Variants in ZMAT4 observed in about 807,000 individuals in gnomAD.
The protein encoded by ZMAT4 is zinc finger matrin-type protein 4.
A neutral mutation model predicts 28.7 loss-of-function variants in ZMAT4; 17 were observed. That is an observed-to-expected ratio of 0.59 (90% CI 0.41 to 0.89). The LOEUF is 0.89. Among genes scored for constraint, ZMAT4 ranks in the 40% least tolerant of loss-of-function variants. ZMAT4 has a pLI of 0.00. For missense variants in ZMAT4, 240 were observed against 283.8 expected (o/e 0.85, Z 1.11); for synonymous variants, 117 against 109.2 (o/e 1.07, Z -0.44).
At chr8:40,582,020 T>C (rs1268388645) in intron 5 of ZMAT4, among the ~76,000 whole-genome samples, 1 of 152,196 alleles carries the variant, frequency 6.6e-6, no homozygotes, top group Admixed American at 6.5e-5. Context: ...TAATGAAACA[T>C]ATTCCTTCAG....
At chr8:40,648,814 C>T (rs1242881679) in intron 5 of ZMAT4, among the ~76,000 whole-genome samples, 1 of 118,208 alleles carries the variant, frequency 8.5e-6, no homozygotes, top group African/African-American at 2.9e-5. Context: ...ATTTCATATC[C>T]AGCCAAACTA....
chr8:40,691,600 G>A (rs2150488906), intron 4 of ZMAT4, among the ~76,000 whole-genome samples: 1 of 152,256 alleles, frequency 6.6e-6, no homozygotes, highest in Non-Finnish European at 1.5e-5. Context: ...AATCACAGTG[G>A]ATTCATAAAT....
intron 6 of ZMAT4, among the ~76,000 whole-genome samples, chr8:40,543,436 G>A (rs1321771916): frequency 2.0e-5 from 3 of 152,192 alleles, no homozygotes; most frequent in Non-Finnish European, 2.9e-5. Context: ...GTTCAGCCAC[G>A]TCTGGGAATT....
chr8:40,712,199 T>C (rs1002820664), intron 3 of ZMAT4, among the ~76,000 whole-genome samples: 3 of 152,320 alleles, frequency 2.0e-5, no homozygotes, highest in Non-Finnish European at 4.4e-5. Context: ...TAATAGGATT[T>C]CTCTCATAAG....
intron 6 of ZMAT4, among the ~76,000 whole-genome samples, chr8:40,549,519 T>C (rs1234653732): frequency 6.6e-6 from 1 of 152,180 alleles, no homozygotes; most frequent in East Asian, 1.9e-4. Flanking sequence ...ATGCAATCTT[T>C]TGATGAGAGA....
chr8:40,588,638 T>A (rs1391126624), intron 5 of ZMAT4, among the ~76,000 whole-genome samples: 1 of 152,008 alleles, frequency 6.6e-6, no homozygotes, highest in Non-Finnish European at 1.5e-5. Flanking sequence ...TAAATGACCA[T>A]ATGGAACAAC....
At chr8:40,647,612 C>A (rs13248057) in intron 5 of ZMAT4, among the ~76,000 whole-genome samples, 72,816 of 152,060 alleles carry the variant, frequency 0.48, 18,917 homozygotes, top group Non-Finnish European at 0.59. Context: ...TAGGCTCCAC[C>A]TCTGGGGGCA....
rs903962220 is a variant in ZMAT4 at position 40,581,208 on chromosome 8, C to T, written c.631G>A (p.Glu211Lys). ...TICSVSLNSI[E>K]QYHAHLKGSK... The stretch of plus-strand genomic sequence containing the variant: ...CCTTTCAGATGGGCATGATACTGTT[C>T]TATTGAGTTTAGGGAGACACTGCAG... Residue 211 changes from glutamate (E) to lysine (K), a missense_variant, in exon 6 of 7, where the codon GAA (glutamate) becomes AAA (lysine). Transcript: ENST00000297737. The T allele has an allele frequency of 6.2e-7, 1 of 1,613,404 alleles. No individual in the cohort carries two copies.
intron 3 of ZMAT4, among the ~76,000 whole-genome samples, chr8:40,764,233 G>A (rs1046829267): frequency 6.6e-6 from 1 of 151,308 alleles, no homozygotes; most frequent in African/African-American, 2.4e-5. Context: ...ATTTTACTCT[G>A]TGGCCCCAAG....
intron 5 of ZMAT4, chr8:40,674,454 A>C (rs74731251): frequency 7.2e-5 from 33 of 456,008 alleles, no homozygotes; most frequent in African/African-American, 5.5e-4. Context: ...AATCTGGTTC[A>C]TGAATGTGCC....
At chr8:40,771,628 A>G (rs1813393105) in intron 2 of ZMAT4, among the ~76,000 whole-genome samples, 1 of 152,234 alleles carries the variant, frequency 6.6e-6, no homozygotes, top group East Asian at 1.9e-4. Flanking sequence ...TCATTGGAGT[A>G]CTTGGTATTA....
chr8:40,685,395 CA>C (rs1809357501), intron 4 of ZMAT4, among the ~76,000 whole-genome samples: 1 of 152,134 alleles, frequency 6.6e-6, no homozygotes, highest in Non-Finnish European at 1.5e-5. Context: ...TTTTAGGGTA[CA>C]TAAGACTTGC....
chr8:40,567,210 G>T (rs1181298248), intron 6 of ZMAT4, among the ~76,000 whole-genome samples: 1 of 152,104 alleles, frequency 6.6e-6, no homozygotes, highest in Non-Finnish European at 1.5e-5. Flanking sequence ...GAACTTTATA[G>T]ATTTTGATTT....
intron 3 of ZMAT4, among the ~76,000 whole-genome samples, chr8:40,765,566 GA>G (rs1033779323): frequency 2.6e-5 from 4 of 152,168 alleles, no homozygotes; most frequent in African/African-American, 9.7e-5. Flanking sequence ...AAACAGCAGA[GA>G]AAAAAGGTTT....
At chr8:40,886,235 CCA>C (rs1352338090) in intron 1 of ZMAT4, among the ~76,000 whole-genome samples, 4 of 152,316 alleles carry the variant, frequency 2.6e-5, no homozygotes, top group Middle Eastern at 3.4e-3. Flanking sequence ...CAAACAGTCC[CCA>C]GAGACAAAGG....
rs182845126 is a variant in ZMAT4, at chr8:40,648,107, C to T, written c.577+26597G>A. 3.9e-5 allele frequency among the ~76,000 whole-genome samples: 6 copies of T among 152,282 alleles called. No homozygotes were observed. In the East Asian group the frequency reaches 1.2e-3, roughly 29 times the overall value. ...TTGACGAGCTGAGAGAAGGCGGCTT[C>T]AGACGATCAAATTACTCTGAGCTAT... On this transcript the variant is annotated intron_variant, in intron 5 of 6. Coordinates refer to ENST00000297737, the MANE Select transcript of ZMAT4 (RefSeq NM_024645.3).
chr8:40,699,741 A>G (rs1388383762), intron 3 of ZMAT4, among the ~76,000 whole-genome samples: 2 of 152,258 alleles, frequency 1.3e-5, no homozygotes, highest in African/African-American at 4.8e-5. Flanking sequence ...CTACTTACGC[A>G]TGACATAGGT....
intron 3 of ZMAT4, among the ~76,000 whole-genome samples, chr8:40,765,413 G>T (rs1209081943): frequency 6.6e-6 from 1 of 151,980 alleles, no homozygotes; most frequent in Non-Finnish European, 1.5e-5. Context: ...TGTAACAAAA[G>T]CATCAACTAT....
At chr8:40,607,117 C>CTTTTTTTTTTTTTTTTTTTT (rs71544299) in intron 5 of ZMAT4, among the ~76,000 whole-genome samples, 1 of 65,716 alleles carries the variant, frequency 1.5e-5, no homozygotes, top group Non-Finnish European at 2.7e-5. Context: ...TATCTTGTAT[C>CTTTTTTTTTTTTTTTTTTTT]TTTTTTTTTT....
Sources: allele counts gnomAD v4.1 joint callset (sites outside exome capture counted in the v4.1 genomes callset), GRCh38; gene constraint gnomAD v4.1.1; transcripts MANE v1.5; gene names NCBI Gene and HGNC (gene_info 2026-07-23, HGNC 2026-07-21).